FAM53B: variants seen among roughly 807,000 people sequenced by gnomAD.
The protein encoded by FAM53B is family with sequence similarity 53 member B, also known as protein FAM53B.
FAM53B carries 12 observed loss-of-function variants against 32.7 expected under a neutral mutation model. The ratio of observed to expected loss-of-function variants is 0.37; its 90% CI spans 0.24 to 0.59. The LOEUF (loss-of-function observed/expected upper bound fraction) is 0.59, where lower values mean the gene tolerates loss of function less well. FAM53B is among the 20% of genes least tolerant of loss of function. The pLI is 0.72. For synonymous variants in FAM53B, 234 were observed against 228.7 expected, an observed-to-expected ratio of 1.02 and a Z score of -0.21; for missense variants, 477 against 577.7, an observed-to-expected ratio of 0.83 and a Z score of 1.79.
chr10:124,677,477 C>G (rs1200370797), intron 4 of FAM53B, among the ~76,000 whole-genome samples: 1 of 152,270 alleles, frequency 6.6e-6, no homozygotes, highest in Non-Finnish European at 1.5e-5. Context: ...GTCCTCTGAG[C>G]TGCCTTTGGA....
At chr10:124,659,589 G>C (rs963226868) in intron 4 of FAM53B, among the ~76,000 whole-genome samples, 1 of 152,218 alleles carries the variant, frequency 6.6e-6, no homozygotes, top group Non-Finnish European at 1.5e-5. Context: ...TTTGAGGTGG[G>C]GCACAGGATA....
At chr10:124,667,064 A>G in intron 4 of FAM53B, 1 of 318,086 alleles carries the variant, frequency 3.1e-6, no homozygotes, top group Non-Finnish European at 5.8e-6. Context: ...CCGTACCCCA[A>G]AGCCCCACTC....
chr10:124,701,464 T>C (rs1047746918), intron 2 of FAM53B, among the ~76,000 whole-genome samples: 8 of 152,348 alleles, frequency 5.3e-5, no homozygotes, highest in African/African-American at 1.9e-4. Context: ...ACCAGCTCCC[T>C]TTGGTCTTCA....
At chr10:124,693,644 C>T (rs1291026984) in intron 3 of FAM53B, among the ~76,000 whole-genome samples, 1 of 152,096 alleles carries the variant, frequency 6.6e-6, no homozygotes, top group Non-Finnish European at 1.5e-5. Context: ...CCAGCAAGCG[C>T]AGGAAAGGGA....
intron 1 of FAM53B, among the ~76,000 whole-genome samples, chr10:124,730,516 G>A (rs971375680): frequency 2.0e-5 from 3 of 152,234 alleles, no homozygotes; most frequent in African/African-American, 7.2e-5. Context: ...TTTGGGAGCA[G>A]GAAGGTCCAG....
At chr10:124,674,131 AC>A (rs912053241) in intron 4 of FAM53B, among the ~76,000 whole-genome samples, 6 of 152,132 alleles carry the variant, frequency 3.9e-5, no homozygotes, top group African/African-American at 1.2e-4. Context: ...CGGGACTCAT[AC>A]CCCAGCAGCA....
At chr10:124,673,831 T>C (rs1341326964) in intron 4 of FAM53B, among the ~76,000 whole-genome samples, 1 of 152,154 alleles carries the variant, frequency 6.6e-6, no homozygotes, top group Non-Finnish European at 1.5e-5. Context: ...ATTCAGACTC[T>C]CTTGGACAAC....
chr10:124,719,008 G>C (rs903958028), intron 1 of FAM53B, among the ~76,000 whole-genome samples: 5 of 151,608 alleles, frequency 3.3e-5, no homozygotes, highest in Non-Finnish European at 7.4e-5. Flanking sequence ...CTTCACTACA[G>C]CTTAAGTGAC....
intron 1 of FAM53B, among the ~76,000 whole-genome samples, chr10:124,738,541 T>A (rs141116977): frequency 6.6e-6 from 1 of 151,908 alleles, no homozygotes; most frequent in Non-Finnish European, 1.5e-5. Context: ...ATGGGTCTCC[T>A]TATTCTTCCT....
chr10:124,724,865 T>C (rs1001124710), intron 1 of FAM53B, among the ~76,000 whole-genome samples: 2 of 152,166 alleles, frequency 1.3e-5, no homozygotes, highest in African/African-American at 4.8e-5. Flanking sequence ...GATCAAGGCA[T>C]GTGCTGGGCA....
chr10:124,667,136 G>A (rs1949677597), intron 4 of FAM53B: 1 of 488,302 alleles, frequency 2.0e-6, no homozygotes, highest in Admixed American at 3.8e-5. Flanking sequence ...GAGACCTGCT[G>A]TCACCTGACA....
chr10:124,696,179 G>C lies in FAM53B; in HGVS notation c.112C>G (p.Leu38Val). ...TPKKMSQGPT[L>V]FSCGIMENDR... ...TTACCCATAATTCCACAAGAGAAAA[G>C]TGTAGGTCCTTGACTCATCTTCTTT... Residue 38 changes from leucine (L) to valine (V), a missense_variant, in exon 3 of 5, where the codon CTT (leucine) becomes GTT (valine). This residue lies in a region of FAM53B where 312 missense variants were observed against 420.2 expected (regional missense o/e 0.74). Transcript: ENST00000337318. The C allele has an allele frequency of 6.2e-7, 1 of 1,614,128 alleles. No homozygotes were observed. Among genetic ancestry groups the C allele is most frequent in the Non-Finnish European group, 8.5e-7 (1 of 1,179,960 alleles).
chr10:124,682,008 T>C lies in FAM53B; in HGVS notation c.505A>G (p.Ser169Gly). 2 of 1,613,946 alleles carry C rather than the reference T, an allele frequency of 1.2e-6. No individual in the cohort carries two copies. Among genetic ancestry groups the C allele is most frequent in the Non-Finnish European group, 1.7e-6 (2 of 1,179,924 alleles). The change falls in exon 4 of 5, where the codon AGC becomes GGC. Residue 169 changes from serine (S) to glycine (G), a missense_variant. By Grantham distance (56) the Ser-to-Gly change is moderately conservative. Transcript: ENST00000337318. This position sits in a 1 kb window ranked among gnomAD's most constrained non-coding sequence, Gnocchi z 5.2. ...AGCACGTTGGCCCGGGAAGGGAGGC[T>C]GAAGCTGGAACTCCTCTGCATGGTG... The part of the protein sequence containing the change: ...FSTMQRSSSF[S>G]LPSRANVLSS...
chr10:124,640,429 T>A (rs576205908), intron 4 of FAM53B, among the ~76,000 whole-genome samples: 1 of 152,318 alleles, frequency 6.6e-6, no homozygotes, highest in East Asian at 1.9e-4. Flanking sequence ...CTGAAGAATG[T>A]GCAGGGCTTG....
chr10:124,692,235 C>G (rs1238855711), intron 3 of FAM53B, among the ~76,000 whole-genome samples: 2 of 152,134 alleles, frequency 1.3e-5, no homozygotes, highest in African/African-American at 4.8e-5. Context: ...CAGCTCTACC[C>G]TATCTGCTTC....
At chr10:124,709,251 G>A (rs1003608548) in intron 1 of FAM53B, among the ~76,000 whole-genome samples, 11 of 152,248 alleles carry the variant, frequency 7.2e-5, no homozygotes, top group African/African-American at 2.4e-4. Flanking sequence ...GCGGCCAGTA[G>A]AATGAAACTG....
At position 124,729,667 on chromosome 10, in the gene FAM53B, A is replaced by G. The variant is rs1950128798; in HGVS notation, c.-175+14346T>C. On this transcript the variant is annotated intron_variant, in intron 1 of 4. Coordinates refer to ENST00000337318, the MANE Select transcript of FAM53B (RefSeq NM_014661.4). ...CATGTAAACCAAACATGGAAAAGCC[A>G]GCCATTCCTAACAGGAGCAATGGAC... Among the ~76,000 whole-genome samples, 6 of 152,364 alleles carry G rather than the reference A, an allele frequency of 3.9e-5. No homozygotes were observed. The South Asian group carries it at 1.2e-3, about 32-fold the overall frequency.
intron 1 of FAM53B, among the ~76,000 whole-genome samples, chr10:124,716,158 G>A (rs1950037356): frequency 6.6e-6 from 1 of 152,198 alleles, no homozygotes; most frequent in African/African-American, 2.4e-5. Context: ...AGGAAGGTGT[G>A]TCCTCAGAGG....
chr10:124,693,214 G>C (rs1949846902), intron 3 of FAM53B, among the ~76,000 whole-genome samples: 1 of 152,032 alleles, frequency 6.6e-6, no homozygotes, highest in Admixed American at 6.5e-5. Context: ...GCTCACGCCT[G>C]TAATCCCAGC....
Sources: allele counts gnomAD v4.1 joint callset (sites outside exome capture counted in the v4.1 genomes callset), GRCh38; gene constraint gnomAD v4.1.1; regional missense constraint gnomAD v4.1.1; non-coding constraint Gnocchi (gnomAD v3.1); transcripts MANE v1.5; gene names NCBI Gene and HGNC (gene_info 2026-07-23, HGNC 2026-07-21).